The following ANKRD17 variants were observed in gnomAD, a reference collection of about 807,000 sequenced individuals.
ANKRD17 encodes the protein ankyrin repeat domain 17.
Under a neutral mutation model 229.7 loss-of-function variants are expected in ANKRD17, and 19 were observed. The observed-to-expected ratio is 0.08, with a 90% CI of 0.06 to 0.12. The LOEUF (loss-of-function observed/expected upper bound fraction) is 0.12, where lower values mean the gene tolerates loss of function less well. ANKRD17 is among the 10% of genes least tolerant of loss of function. The probability of loss-of-function intolerance (pLI) is 1.00; values close to 1 mark genes in which losing one functional copy is unlikely to be tolerated. For synonymous variants in ANKRD17, 1,112 were observed against 1,146.1 expected (o/e 0.97, Z 0.60); for missense variants, 2,176 against 3,176.8 (o/e 0.68, Z 7.57).
In ANKRD17 at chr4:73,094,132, G is replaced by A. The variant is rs777220144; in HGVS notation, c.5274C>T (p.His1758=). 2 of 1,613,682 alleles carry A rather than the reference G, an allele frequency of 1.2e-6. No homozygotes were observed. The highest frequency in any genetic ancestry group is 8.5e-7 in the Non-Finnish European group (1 of 1,179,774). The change falls in exon 28 of 34, where the codon CAC becomes CAT. Residue 1758 remains histidine (H), a synonymous_variant. Transcript: ENST00000358602. Reference sequence around the variant, plus strand: ...TGTCTTTCTGTTTATCAATATCTATGTGTGCACCAGTAAACTCCCGAATAG... The same window carrying A: ...TGTCTTTCTGTTTATCAATATCTATATGTGCACCAGTAAACTCCCGAATAG... ...INAIREFTGA[H]IDIDKQKDKT...
intron 1 of ANKRD17, among the ~76,000 whole-genome samples, chr4:73,210,135 A>C (rs146364372): frequency 1.3e-3 from 202 of 152,264 alleles, no homozygotes; most frequent in African/African-American, 4.6e-3. Context: ...AAAAGGCATA[A>C]CCATGGGAGA....
At chr4:73,094,018 T>C (rs1723049654) in intron 28 of ANKRD17, 61 bp downstream of exon 28, 3 of 1,508,086 alleles carry the variant, frequency 2.0e-6, no homozygotes, top group Non-Finnish European at 2.7e-6. Flanking sequence ...CATATGGCTG[T>C]ATTTCATTAA....
intron 1 of ANKRD17, among the ~76,000 whole-genome samples, chr4:73,186,106 C>T (rs1451189825): frequency 6.6e-6 from 1 of 151,934 alleles, no homozygotes; most frequent in Non-Finnish European, 1.5e-5. Flanking sequence ...AAAGTCATCA[C>T]AATTTAGTCT....
chr4:73,229,720 TCTC>T (rs1229330894), intron 1 of ANKRD17, among the ~76,000 whole-genome samples: 1 of 151,550 alleles, frequency 6.6e-6, no homozygotes, highest in African/African-American at 2.4e-5. Flanking sequence ...TAAAAAAAAA[TCTC>T]CTTCTGATAA....
chr4:73,096,870 C>T (rs966253226), intron 27 of ANKRD17, among the ~76,000 whole-genome samples: 3 of 152,112 alleles, frequency 2.0e-5, no homozygotes, highest in East Asian at 1.9e-4. Context: ...TTTGAGATAA[C>T]GAAGCTGAGA....
rs930148648 is a variant in ANKRD17, at chr4:73,073,498, C to T, written c.*2733G>A. 3 of 151,946 alleles carry T rather than the reference C, an allele frequency of 2.0e-5. No homozygotes were observed. The highest frequency in any genetic ancestry group is 3.8e-4 in the East Asian group (2 of 5,202). The allele number at this position is 151,946 out of a possible 1,614,324, so 9.4% of individuals were successfully genotyped here. On this transcript the variant is annotated 3_prime_UTR_variant, in exon 34 of 34. Coordinates refer to ENST00000358602, the MANE Select transcript of ANKRD17 (RefSeq NM_032217.5). ...AGTAATATAGGGTACAAAATTTTTA[C>T]AAAATGTGTATTTAGGTTATTTGAG...
intron 8 of ANKRD17, among the ~76,000 whole-genome samples, chr4:73,147,747 T>C (rs1361803748): frequency 6.6e-6 from 1 of 151,982 alleles, no homozygotes; most frequent in Admixed American, 6.6e-5. Flanking sequence ...ATGATAAAGA[T>C]ACTGGTGATA....
chr4:73,198,082 A>T lies in ANKRD17; in HGVS notation c.394-20549T>A, dbSNP rs187360007. ...CATACATACAATCTAAAAACTTTTT[A>T]AAAAAATTATGCCAGGAAAATAGGT... On this transcript the variant is annotated intron_variant, in intron 1 of 33. Transcript: ENST00000358602. 2.5e-3 allele frequency among the ~76,000 whole-genome samples: 388 copies of T among 152,236 alleles called. 4 individuals carry two copies. Among genetic ancestry groups the T allele is most frequent in the African/African-American group, 8.5e-3 (352 of 41,526 alleles).
chr4:73,258,239 C>G lies in ANKRD17; in HGVS notation c.393+37G>C, dbSNP rs945727314. ...ACCTTCGGCCCCTATCCCTTACAGT[C>G]CCTTCCTCCCTCCTTCCTTTGAAAC... On this transcript the variant is annotated intron_variant, in intron 1 of 33. Coordinates refer to ENST00000358602, the MANE Select transcript of ANKRD17 (RefSeq NM_032217.5). The G allele has an allele frequency of 5.0e-6, 8 of 1,612,942 alleles. 1 individual carries two copies. The East Asian group carries it at 1.8e-4, about 36-fold the overall frequency.
chr4:73,155,580 T>C (rs767388865), intron 5 of ANKRD17, 51 bp downstream of exon 5: 2 of 1,595,628 alleles, frequency 1.3e-6, no homozygotes, highest in African/African-American at 2.7e-5. Context: ...AAAATCATTA[T>C]TACCAAATGA....
At chr4:73,147,937 TACC>T (rs780335764) in intron 8 of ANKRD17, among the ~76,000 whole-genome samples, 2 of 152,186 alleles carry the variant, frequency 1.3e-5, no homozygotes, top group African/African-American at 2.4e-5. Context: ...TCATCAATAC[TACC>T]ACCATCACTA....
chr4:73,153,767 T>G (rs1246768219), intron 6 of ANKRD17, 113 bp downstream of exon 6: 1 of 694,480 alleles, frequency 1.4e-6, no homozygotes, highest in Non-Finnish European at 2.1e-6. Context: ...AACCTTTAAT[T>G]ACATACTATA....
At chr4:73,185,455 C>T (rs990366407) in intron 1 of ANKRD17, among the ~76,000 whole-genome samples, 16 of 151,960 alleles carry the variant, frequency 1.1e-4, no homozygotes, top group Non-Finnish European at 2.1e-4. Context: ...ATAATCCCCA[C>T]ACTTATTCCA....
chr4:73,121,966 A>G (rs959511344), intron 18 of ANKRD17, among the ~76,000 whole-genome samples: 1 of 152,166 alleles, frequency 6.6e-6, no homozygotes, highest in East Asian at 1.9e-4. Flanking sequence ...ACCCATGTAG[A>G]AATCCACTAA....
At position 73,124,905 on chromosome 4, in the gene ANKRD17, A is replaced by G; in HGVS notation, c.3492+8T>C. The G allele has an allele frequency of 6.2e-7, 1 of 1,613,316 alleles. No homozygotes were observed. Among genetic ancestry groups the G allele is most frequent in the Non-Finnish European group, 8.5e-7 (1 of 1,179,680 alleles). ...AAGGAAAACAATTACACTAAGGGGA[A>G]ACATTACCTCCTGTCTTCCCCCAGA... On this transcript the variant is annotated splice_region_variant and intron_variant, in intron 18 of 33. Transcript: ENST00000358602.
chr4:73,242,140 G>A lies in ANKRD17; in HGVS notation c.393+16136C>T, dbSNP rs185823464. Among the ~76,000 whole-genome samples, 10 of 152,080 alleles carry A rather than the reference G, an allele frequency of 6.6e-5. No homozygotes were observed. In the East Asian group the frequency reaches 1.5e-3, roughly 23 times the overall value. The stretch of plus-strand genomic sequence containing the variant: ...ATTTTGGGGGTGGTTCAAAACTCAC[G>A]CAATAAGAGAACAAAAACAAACACA... On this transcript the variant is annotated intron_variant, in intron 1 of 33. Coordinates refer to ENST00000358602, the MANE Select transcript of ANKRD17 (RefSeq NM_032217.5).
chr4:73,186,947 C>A (rs1736374695), intron 1 of ANKRD17, among the ~76,000 whole-genome samples: 1 of 147,184 alleles, frequency 6.8e-6, no homozygotes, highest in East Asian at 1.9e-4. Context: ...TATAAGATGG[C>A]TTTACAACAC....
intron 24 of ANKRD17, chr4:73,112,775 G>T: frequency 1.3e-6 from 1 of 769,838 alleles, no homozygotes; most frequent in Non-Finnish European, 1.6e-6. Context: ...ATAGCATTTT[G>T]ACCTTTTTAA....
chr4:73,135,353 C>A, intron 15 of ANKRD17, 88 bp from the exon 16 acceptor site: 2 of 1,314,464 alleles, frequency 1.5e-6, no homozygotes, highest in Middle Eastern at 1.9e-4. Flanking sequence ...TTAAAGACTT[C>A]TTAAAACAAT....
Sources: allele counts gnomAD v4.1 joint callset (sites outside exome capture counted in the v4.1 genomes callset), GRCh38; gene constraint gnomAD v4.1.1; transcripts MANE v1.5; gene names NCBI Gene and HGNC (gene_info 2026-07-23, HGNC 2026-07-21).